The following SRSF7 variants were observed in gnomAD, a reference collection of about 807,000 sequenced individuals.
SRSF7 encodes serine/arginine-rich splicing factor 7.
SRSF7 carries 15 observed loss-of-function variants against 42.2 expected under a neutral mutation model. That is an observed-to-expected ratio of 0.36 (90% CI 0.24 to 0.55). The LOEUF (loss-of-function observed/expected upper bound fraction) is 0.55, where lower values mean the gene tolerates loss of function less well. SRSF7 is among the 20% of genes least tolerant of loss of function. SRSF7 has a pLI of 0.88. For missense variants in SRSF7, 181 were observed against 305.9 expected (o/e 0.59, Z 3.04); for synonymous variants, 138 against 107.9 (o/e 1.28, Z -1.73).
chr2:38,746,090 T>C, intron 7 of SRSF7, 54 bp downstream of exon 7: 3 of 1,601,118 alleles, frequency 1.9e-6, no homozygotes, highest in Non-Finnish European at 2.6e-6. Context: ...GCAAACAAAT[T>C]CTGCAGAGGC....
intron 3 of SRSF7, chr2:38,748,874 CTG>C: frequency 7.3e-7 from 1 of 1,373,990 alleles, no homozygotes. Flanking sequence ...ATATAAAACA[CTG>C]TAATGTGTAT....
chr2:38,747,932 A>G (rs1667715385), intron 5 of SRSF7, 115 bp downstream of exon 5: 1 of 701,248 alleles, frequency 1.4e-6, no homozygotes, highest in Non-Finnish European at 2.3e-6. Context: ...TAAATTCCAA[A>G]CTTTTACATC....
chr2:38,749,265 G>C (rs1315634182), intron 3 of SRSF7: 16 of 1,425,118 alleles, frequency 1.1e-5, no homozygotes, highest in Non-Finnish European at 1.4e-5. Context: ...GATCTTAATT[G>C]TCGGATTTGC....
At chr2:38,745,236 T>G in intron 7 of SRSF7, 49 bp from the exon 8 acceptor site, 1 of 1,593,024 alleles carries the variant, frequency 6.3e-7, no homozygotes, top group Non-Finnish European at 8.6e-7. Context: ...CAATTGAAAC[T>G]CTCATGTACA....
At chr2:38,748,754 T>C in intron 3 of SRSF7, 101 bp from the exon 4 acceptor site, 1 of 1,333,948 alleles carries the variant, frequency 7.5e-7, no homozygotes, top group South Asian at 1.2e-5. Flanking sequence ...TATTTAAATT[T>C]AGTGTCTCAT....
chr2:38,748,166 A>G lies in SRSF7; in HGVS notation c.462-9T>C, dbSNP rs766070647. 20 of 1,604,408 alleles carry G rather than the reference A, an allele frequency of 1.2e-5. No individual in the cohort carries two copies. Among genetic ancestry groups the G allele is most frequent in the Admixed American group, 1.7e-5 (1 of 58,654 alleles). ...GAGATGCTGACCTTGACCTAAAATA[A>G]AGAACTTTAAGTCCATCTCCACAGT... On this transcript the variant is annotated splice_polypyrimidine_tract_variant and intron_variant, in intron 4 of 7. Coordinates refer to ENST00000313117, the MANE Select transcript of SRSF7 (RefSeq NM_001031684.3).
intron 7 of SRSF7, 43 bp downstream of exon 7, chr2:38,746,101 C>G: frequency 6.2e-7 from 1 of 1,611,882 alleles, no homozygotes. Flanking sequence ...CTGCAGAGGC[C>G]ACACTTGACA....
In SRSF7 at chr2:38,749,659, G is replaced by T; in HGVS notation, c.256C>A (p.Pro86Thr). Residue 86 changes from proline to threonine, a missense_variant, in exon 3 of 8, where the codon CCT (proline) becomes ACT (threonine). By Grantham distance (38) the Pro-to-Thr change is conservative. Transcript: ENST00000313117. ...RVRVELSTGM[P>T]RRSRFDRPPA... is the part of the protein sequence containing the mutation. ...GGTCTATCAAAACGTGATCTCCGAG[G>T]CATGCCTGTCGATAGTTCAACCCTC... 6.3e-7 allele frequency: 1 copy of T among 1,592,666 alleles called. No homozygotes were observed. Among genetic ancestry groups the T allele is most frequent in the Non-Finnish European group, 8.5e-7 (1 of 1,174,034 alleles).
Position 38,744,810 on chromosome 2 carries a change from G to T in SRSF7, c.*323C>A. The T allele has an allele frequency of 2.4e-5, 6 of 252,270 alleles. No individual in the cohort carries two copies. The highest frequency in any genetic ancestry group is 2.0e-4 in the Admixed American group (4 of 19,948). The allele number at this position is 252,270 out of a possible 1,614,324, so 15.6% of individuals were successfully genotyped here. On this transcript the variant is annotated 3_prime_UTR_variant, in exon 8 of 8. Coordinates refer to ENST00000313117, the MANE Select transcript of SRSF7 (RefSeq NM_001031684.3). ...ACCTTTCAATTCTGAATGTAGGTATGTATGAATAAGGTTAACAATTATAAT... is the reference window on the plus strand; with the variant it reads ...ACCTTTCAATTCTGAATGTAGGTATTTATGAATAAGGTTAACAATTATAAT...
Position 38,749,669 on chromosome 2 carries a change from C to T in SRSF7, c.246G>A (p.Ser82=). 1 of 1,583,336 alleles carries T rather than the reference C, an allele frequency of 6.3e-7. No homozygotes were observed. Among genetic ancestry groups the T allele is most frequent in the Non-Finnish European group, 8.5e-7 (1 of 1,170,960 alleles). Reference sequence around the variant, plus strand: ...AACGTGATCTCCGAGGCATGCCTGTCGATAGTTCAACCCTCACTCGGGAGC... The same window carrying T: ...AACGTGATCTCCGAGGCATGCCTGTTGATAGTTCAACCCTCACTCGGGAGC... The part of the protein sequence containing the change: ...ICGSRVRVEL[S]TGMPRRSRFD... The change falls in exon 3 of 8, where the codon TCG becomes TCA. Residue 82 remains serine (S), a synonymous_variant. Transcript: ENST00000313117.
In SRSF7 at chr2:38,751,308, G is replaced by A; in HGVS notation, c.-52C>T. ...TTAGCAAGCAGCGCCCAGGGCTCGA[G>A]TGACGCAAAAGCTGACACACACCTT... On this transcript the variant is annotated 5_prime_UTR_variant, in exon 1 of 8. Coordinates refer to ENST00000313117, the MANE Select transcript of SRSF7 (RefSeq NM_001031684.3). The A allele has an allele frequency of 4.1e-5, 66 of 1,613,370 alleles. No individual in the cohort carries two copies. The highest frequency in any genetic ancestry group is 5.5e-5 in the Non-Finnish European group (65 of 1,179,728).
intron 4 of SRSF7, 88 bp from the exon 5 acceptor site, chr2:38,748,245 A>G (rs1667776837): frequency 1.0e-6 from 1 of 971,004 alleles, no homozygotes; most frequent in Middle Eastern, 2.2e-4. Context: ...GCAGTGGCTC[A>G]TGCCCATAAT....
intron 6 of SRSF7, among the ~76,000 whole-genome samples, chr2:38,746,479 C>G (rs1288331696): frequency 1.3e-5 from 2 of 152,188 alleles, no homozygotes; most frequent in Non-Finnish European, 2.9e-5. Flanking sequence ...TATAATCCCC[C>G]AAGTCATAAG....
chr2:38,748,190 G>T (rs1327934468), intron 4 of SRSF7, 33 bp from the exon 5 acceptor site: 80 of 1,299,456 alleles, frequency 6.2e-5, no homozygotes, highest in Middle Eastern at 2.1e-4. Flanking sequence ...CATCTCCACA[G>T]TTTTTTTTTT....
At position 38,746,042 on chromosome 2, in the gene SRSF7, C is replaced by T. The variant is rs574361934; in HGVS notation, c.662+102G>A. On this transcript the variant is annotated intron_variant, in intron 7 of 7. Transcript: ENST00000313117. The stretch of plus-strand genomic sequence containing the variant: ...GCATAGTATTTTAATCTATATAGCA[C>T]CAATTCTCCAAAGAGCTCAAAGACT... 3.1e-5 allele frequency: 37 copies of T among 1,202,944 alleles called. 1 individual carries two copies. In the African/African-American group the frequency reaches 4.2e-4, roughly 14 times the overall value. 74.5% of individuals were successfully genotyped at this position (1,202,944 alleles called of 1,614,324 possible). A position where few individuals can be genotyped will look rare whatever the true frequency, so the allele number is the denominator to read the frequency against.
In SRSF7 at chr2:38,748,106, T is replaced by A; in HGVS notation, c.513A>T (p.Ser171=). 1.9e-6 allele frequency: 3 copies of A among 1,614,098 alleles called. No homozygotes were observed. The South Asian group carries it at 3.3e-5, about 18-fold the overall frequency. ...TAGATCTTCTGAGTGAAGCTGATCT[T>A]GATCTACGAAGAGAGATAGATCTTG... is the stretch of plus-strand genomic sequence containing the variant. The part of the protein sequence containing the change: ...RRSRSISLRR[S]RSASLRRSRS... The change falls in exon 5 of 8, where the codon TCA becomes TCT. Residue 171 remains serine, a synonymous_variant. Coordinates refer to ENST00000313117, the MANE Select transcript of SRSF7 (RefSeq NM_001031684.3).
intron 5 of SRSF7, 43 bp downstream of exon 5, chr2:38,748,004 G>T (rs759961931): frequency 4.1e-5 from 58 of 1,414,950 alleles, no homozygotes; most frequent in Non-Finnish European, 5.6e-5. Context: ...CTGATAAGAT[G>T]TGAACAATCC....
Position 38,743,685 on chromosome 2 carries a change from A to T in SRSF7, c.*1448T>A. On this transcript the variant is annotated 3_prime_UTR_variant, in exon 8 of 8. Coordinates refer to ENST00000313117, the MANE Select transcript of SRSF7 (RefSeq NM_001031684.3). ...AATTAAAGCTAACCAAGTGCAACAG[A>T]TAAATAAGCCTGCCAGTTATACACA... 5 of 152,524 alleles carry T rather than the reference A, an allele frequency of 3.3e-5. No homozygotes were observed. Among genetic ancestry groups the T allele is most frequent in the Admixed American group, 2.0e-4 (3 of 15,290 alleles). The allele number at this position is 152,524 out of a possible 1,614,324, so 9.4% of individuals were successfully genotyped here. A position where few individuals can be genotyped will look rare whatever the true frequency, so the allele number is the denominator to read the frequency against.
At chr2:38,745,285 AC>A (rs1667198284) in intron 7 of SRSF7, 98 bp from the exon 8 acceptor site, 9 of 1,237,296 alleles carry the variant, frequency 7.3e-6, no homozygotes, top group Admixed American at 5.7e-5. Context: ...GGCCTAAGGT[AC>A]TAATTTCCTA....
Sources: allele counts gnomAD v4.1 joint callset (sites outside exome capture counted in the v4.1 genomes callset), GRCh38; gene constraint gnomAD v4.1.1; transcripts MANE v1.5; gene names NCBI Gene and HGNC (gene_info 2026-07-23, HGNC 2026-07-21).